USP28: variants seen among roughly 807,000 people sequenced by gnomAD.
USP28 encodes the protein ubiquitin carboxyl-terminal hydrolase 28.
USP28 carries 113 observed loss-of-function variants against 145.0 expected under a neutral mutation model. That is an observed-to-expected ratio of 0.78 (90% CI 0.67 to 0.91). The LOEUF (loss-of-function observed/expected upper bound fraction) is 0.91, where lower values mean the gene tolerates loss of function less well. Ranked by LOEUF, USP28 falls within the 40% of genes least tolerant of loss-of-function variation. The pLI is 0.00. For missense variants in USP28, 1,201 were observed against 1,289.6 expected (o/e 0.93, Z 1.05); for synonymous variants, 447 against 450.9 (o/e 0.99, Z 0.11).
chr11:113,852,786 A>C (rs772030017), intron 2 of USP28, among the ~76,000 whole-genome samples, 153 bp from the exon 3 acceptor site: 1 of 152,146 alleles, frequency 6.6e-6, no homozygotes, highest in Non-Finnish European at 1.5e-5. Flanking sequence ...AGTAGGTCTA[A>C]TGTGCTTGAA....
intron 4 of USP28, 68 bp from the exon 5 acceptor site, chr11:113,840,825 T>G: frequency 2.0e-6 from 3 of 1,518,558 alleles, no homozygotes; most frequent in Non-Finnish European, 2.7e-6. Context: ...ATATGGAGGA[T>G]GCTATAACTT....
At chr11:113,842,843 G>C (rs1366670901) in intron 3 of USP28, among the ~76,000 whole-genome samples, 3 of 151,462 alleles carry the variant, frequency 2.0e-5, no homozygotes, top group Non-Finnish European at 3.0e-5. Context: ...ACTTAACGGA[G>C]AAACGTTAAG....
chr11:113,810,034 C>CAAAAAAAAAAAAAAAAAAAAAAAAAA (rs368686301), intron 16 of USP28, among the ~76,000 whole-genome samples: 1 of 68,984 alleles, frequency 1.4e-5, no homozygotes. Flanking sequence ...GACTCCATCT[C>CAAAAAAAAAAAAAAAAAAAAAAAAAA]AAAAAAAAAA....
chr11:113,808,667 A>C (rs780204922), intron 17 of USP28, among the ~76,000 whole-genome samples: 2 of 152,244 alleles, frequency 1.3e-5, no homozygotes, highest in Non-Finnish European at 2.9e-5. Flanking sequence ...TGATTCTGTA[A>C]AATTTAATGC....
intron 3 of USP28, among the ~76,000 whole-genome samples, chr11:113,849,867 G>T (rs543124471): frequency 6.6e-6 from 1 of 152,288 alleles, no homozygotes; most frequent in African/African-American, 2.4e-5. Flanking sequence ...GGTCCTGACA[G>T]GTATAGGCAC....
At position 113,831,121 on chromosome 11, in the gene USP28, G is replaced by A. The variant is rs535268271; in HGVS notation, c.834-178C>T. 2,293 of 617,090 alleles carry A rather than the reference G, an allele frequency of 3.7e-3. 73 individuals are homozygous for A. The South Asian group carries it at 0.044, about 12-fold the overall frequency. The allele number at this position is 617,090 out of a possible 1,614,324, so 38.2% of individuals were successfully genotyped here. A position where few individuals can be genotyped will look rare whatever the true frequency, so the allele number is the denominator to read the frequency against. Reference sequence around the variant, plus strand: ...AAATATTTATTGAACACCTTCTTTCGAGCATTGTGCTAAACTCTGAAGACA... The same window carrying A: ...AAATATTTATTGAACACCTTCTTTCAAGCATTGTGCTAAACTCTGAAGACA... On this transcript the variant is annotated intron_variant, in intron 8 of 24. Transcript: ENST00000003302.
Position 113,806,665 on chromosome 11 carries a change from A to T in USP28, c.2305-81T>A, listed in dbSNP as rs1940027634. On this transcript the variant is annotated intron_variant, in intron 18 of 24. Coordinates refer to ENST00000003302, the Ensembl canonical transcript of USP28. ...AAGACTGTATGAAAGCAGGCTGAAC[A>T]GAGTGCTAAAGGGCAGCAGAGCAGT... 2.2e-5 allele frequency: 22 copies of T among 987,094 alleles called. No individual in the cohort carries two copies. In the South Asian group the frequency reaches 3.7e-4, roughly 17 times the overall value. 61.1% of individuals were successfully genotyped at this position (987,094 alleles called of 1,614,324 possible).
intron 1 of USP28, among the ~76,000 whole-genome samples, chr11:113,866,498 T>C (rs1948260792): frequency 6.6e-6 from 1 of 152,148 alleles, no homozygotes; most frequent in East Asian, 1.9e-4. Flanking sequence ...TAAAAAGATA[T>C]TTCTCCAAAG....
intron 3 of USP28, among the ~76,000 whole-genome samples, chr11:113,842,445 C>T (rs2513576): frequency 0.065 from 9,831 of 151,810 alleles, 432 homozygotes; most frequent in Non-Finnish European, 0.09. Context: ...ATTTGCCGGG[C>T]GTGGTGGCGG....
intron 3 of USP28, among the ~76,000 whole-genome samples, chr11:113,846,201 C>T (rs1345637553): frequency 6.6e-6 from 1 of 152,076 alleles, no homozygotes; most frequent in Admixed American, 6.5e-5. Flanking sequence ...TCAACGCATA[C>T]TAAGTAAGTG....
At chr11:113,867,804 G>A (rs563120700) in intron 1 of USP28, among the ~76,000 whole-genome samples, 4 of 123,666 alleles carry the variant, frequency 3.2e-5, no homozygotes, top group Admixed American at 1.6e-4. Context: ...AGAAGGAAGG[G>A]GGGAGGGAGG....
intron 12 of USP28, among the ~76,000 whole-genome samples, chr11:113,818,435 G>A (rs1942093127): frequency 1.3e-5 from 2 of 152,120 alleles, no homozygotes; most frequent in Admixed American, 6.5e-5. Context: ...AAGGGCCACC[G>A]CGCCTGGCAA....
chr11:113,813,989 A>C (rs1423958560), intron 14 of USP28, 34 bp from the exon 15 acceptor site: 8 of 1,507,732 alleles, frequency 5.3e-6, no homozygotes, highest in Non-Finnish European at 7.3e-6. Context: ...AGCTTCACTA[A>C]AATGATCTCA....
intron 18 of USP28, 66 bp from the exon 19 acceptor site, chr11:113,808,202 G>T (rs2513582): frequency 0.99 from 1,540,351 of 1,548,312 alleles, 766,537 homozygotes; most frequent in East Asian, 1. Flanking sequence ...GTTGGTTAAA[G>T]GCAGCAGAGA....
chr11:113,825,010 T>C (rs1943135911), intron 11 of USP28, among the ~76,000 whole-genome samples: 1 of 147,550 alleles, frequency 6.8e-6, no homozygotes, highest in South Asian at 2.2e-4. Flanking sequence ...AAAATCCCAA[T>C]AGCCACTGGG....
chr11:113,800,869 G>A (rs1259594954), intron 24 of USP28, among the ~76,000 whole-genome samples: 1 of 146,638 alleles, frequency 6.8e-6, no homozygotes, highest in Non-Finnish European at 1.5e-5. Flanking sequence ...TGGATATGGA[G>A]TCTCATTCCG....
chr11:113,829,235 G>A (rs373342387), exon 10 of USP28: 10 of 1,614,106 alleles, frequency 6.2e-6, no homozygotes, highest in South Asian at 1.1e-5. Flanking sequence ...GAGGGAAGAA[G>A]CTCAACATCA....
intron 1 of USP28, 65 bp downstream of exon 1, chr11:113,875,380 C>T: frequency 8.7e-7 from 1 of 1,155,328 alleles, no homozygotes; most frequent in Non-Finnish European, 1.1e-6. Context: ...GCCCTGCAGG[C>T]CCCGCACGCT....
rs1242442000 is a variant in USP28 at position 113,855,059 on chromosome 11, T to A, written c.58-724A>T. Among the ~76,000 whole-genome samples, 3 of 152,130 alleles carry A rather than the reference T, an allele frequency of 2.0e-5. No individual in the cohort carries two copies. In the East Asian group the frequency reaches 5.8e-4, roughly 29 times the overall value. ...TTTTTCACTGACAATAAGTTTCCAA[T>A]CATGTAATTAACCAATGATAACACC... On this transcript the variant is annotated intron_variant, in intron 1 of 24. Coordinates refer to ENST00000003302, the Ensembl canonical transcript of USP28.
Sources: allele counts gnomAD v4.1 joint callset (sites outside exome capture counted in the v4.1 genomes callset), GRCh38; gene constraint gnomAD v4.1.1; transcripts MANE v1.5; gene names NCBI Gene and HGNC (gene_info 2026-07-23, HGNC 2026-07-21).